Variants in TRIM66 observed in about 807,000 individuals in gnomAD.
TRIM66 encodes tripartite motif-containing protein 66.
Under a neutral mutation model 148.2 loss-of-function variants are expected in TRIM66, and 99 were observed. The observed-to-expected ratio is 0.67, with a 90% confidence interval of 0.57 to 0.79. The LOEUF (loss-of-function observed/expected upper bound fraction) is 0.79, where lower values mean the gene tolerates loss of function less well. TRIM66 is among the 30% of genes least tolerant of loss of function. The pLI, the probability that TRIM66 is intolerant of heterozygous loss-of-function variation, is 0.00. For missense variants in TRIM66, 1,666 were observed against 1,697.9 expected (o/e 0.98, Z 0.33); for synonymous variants, 616 against 635.9 (o/e 0.97, Z 0.47).
intron 6 of TRIM66, among the ~76,000 whole-genome samples, chr11:8,661,806 A>T (rs2038276625): frequency 6.6e-6 from 1 of 152,094 alleles, no homozygotes; most frequent in Non-Finnish European, 1.5e-5. Context: ...ACTCCCCCTT[A>T]AATCAGAAAG....
Position 8,651,832 on chromosome 11 carries a change from A to G in TRIM66, c.412T>C (p.Cys138Arg). 1.9e-6 allele frequency: 3 copies of G among 1,551,782 alleles called. No individual in the cohort carries two copies. Among genetic ancestry groups the G allele is most frequent in the Non-Finnish European group, 2.6e-6 (3 of 1,146,990 alleles). The change falls in exon 7 of 25, where the codon TGT (cysteine) becomes CGT (arginine). Residue 138 changes from cysteine to arginine, a missense_variant. By Grantham distance (180) the Cys-to-Arg change is radical. Around this residue, in one of 3 missense-constraint regions of TRIM66, gnomAD observed 1,431 missense variants for 1,412.4 expected, o/e 1.01. Coordinates refer to ENST00000646038, the MANE Select transcript of TRIM66 (RefSeq NM_001388022.1). The part of the protein sequence containing the change: ...RDVTEHFFLH[C>R]VPTEQPKMAR... ...ATCTTGGGTTGCTCAGTAGGAACAC[A>G]ATGCAGAAAAAAATGTTCAGTTACA...
intron 6 of TRIM66, among the ~76,000 whole-genome samples, chr11:8,657,259 G>T (rs1056159606): frequency 3.3e-5 from 5 of 152,216 alleles, no homozygotes; most frequent in Admixed American, 1.3e-4. Context: ...ATCCTCTGAG[G>T]GTTAGGAAGA....
Position 8,612,971 on chromosome 11 carries a change from C to G in TRIM66, c.*4973G>C, listed in dbSNP as rs116326083. The G allele has an allele frequency of 6.6e-6, 1 of 152,188 alleles. No individual in the cohort carries two copies. The highest frequency in any genetic ancestry group is 1.5e-5 in the Non-Finnish European group (1 of 68,054). 9.4% of individuals were successfully genotyped at this position (152,188 alleles called of 1,614,324 possible). On this transcript the variant is annotated 3_prime_UTR_variant, in exon 25 of 25. Transcript: ENST00000646038. The stretch of plus-strand genomic sequence containing the variant: ...ACCCTTGGGCTGACTTAGATGGGGT[C>G]TCTTAGCAAACAGGCTAAAACCTCT...
chr11:8,630,075 A>T (rs954224048), intron 15 of TRIM66, among the ~76,000 whole-genome samples: 4 of 152,242 alleles, frequency 2.6e-5, no homozygotes, highest in Admixed American at 6.5e-5. Context: ...AAGAAAAAGA[A>T]GATTTGAGAA....
intron 12 of TRIM66, chr11:8,644,475 C>A (rs2036675402): frequency 2.2e-6 from 1 of 451,044 alleles, no homozygotes; most frequent in African/African-American, 2.0e-5. Flanking sequence ...TAAATTACCC[C>A]AACTTGTATC....
At chr11:8,619,625 A>C (rs1476428920) in intron 22 of TRIM66, 90 bp from the exon 23 acceptor site, 4 of 1,252,986 alleles carry the variant, frequency 3.2e-6, no homozygotes, top group Non-Finnish European at 4.3e-6. Context: ...ATGGAAAATG[A>C]GGTGAAATAT....
At chr11:8,650,532 C>T (rs2037270209) in intron 7 of TRIM66, among the ~76,000 whole-genome samples, 1 of 152,058 alleles carries the variant, frequency 6.6e-6, no homozygotes, top group South Asian at 2.1e-4. Flanking sequence ...GCAGCAGCAG[C>T]TGTCTCAGGG....
chr11:8,681,637 G>A (rs1211331116), intron 1 of TRIM66, among the ~76,000 whole-genome samples: 1 of 139,012 alleles, frequency 7.2e-6, no homozygotes, highest in Non-Finnish European at 1.7e-5. Context: ...ACCGACTTAA[G>A]AGCGAAGACA....
chr11:8,678,015 C>T (rs977965031), intron 3 of TRIM66: 1 of 152,164 alleles, frequency 6.6e-6, no homozygotes, highest in Non-Finnish European at 1.5e-5. Flanking sequence ...CAAAAACCCC[C>T]AAGGCTAGGG....
In TRIM66 at chr11:8,612,159, ACTC is replaced by A. The variant is rs2033435417; in HGVS notation, c.*5782_*5784del. ...CCCAACCGCTTAGAATCCAATAGCCACTCCTAACAAGGGCCTAGGAGGAACTCA... is the reference window on the plus strand; with the variant it reads ...CCCAACCGCTTAGAATCCAATAGCCACTAACAAGGGCCTAGGAGGAACTCA... On this transcript the variant is annotated 3_prime_UTR_variant, in exon 25 of 25. Coordinates refer to ENST00000646038, the MANE Select transcript of TRIM66 (RefSeq NM_001388022.1). 1 of 152,080 alleles carries A rather than the reference ACTC, an allele frequency of 6.6e-6. No individual in the cohort carries two copies. Among genetic ancestry groups the A allele is most frequent in the African/African-American group, 2.4e-5 (1 of 41,410 alleles). 9.4% of individuals were successfully genotyped at this position (152,080 alleles called of 1,614,324 possible). A position where few individuals can be genotyped will look rare whatever the true frequency, so the allele number is the denominator to read the frequency against.
chr11:8,658,494 G>A (rs1265542615), intron 6 of TRIM66, among the ~76,000 whole-genome samples: 1 of 152,146 alleles, frequency 6.6e-6, no homozygotes, highest in Non-Finnish European at 1.5e-5. Context: ...CCCCGATCCG[G>A]CAGCTCATTT....
rs959647216 is a variant in TRIM66, at chr11:8,620,127, G to A, written c.3673-3C>T. 10 of 1,551,512 alleles carry A rather than the reference G, an allele frequency of 6.4e-6. No homozygotes were observed. In the Admixed American group the frequency reaches 1.6e-4, roughly 24 times the overall value. ...GACAATACCAGCTTCTCACACTTCT[G>A]CAAAATCAGAATTGGCAACAGAGTC... On this transcript the variant is annotated splice_region_variant and splice_polypyrimidine_tract_variant and intron_variant, in intron 21 of 24. Coordinates refer to ENST00000646038, the MANE Select transcript of TRIM66 (RefSeq NM_001388022.1).
intron 1 of TRIM66, among the ~76,000 whole-genome samples, chr11:8,680,439 G>A (rs745649320): frequency 8.4e-6 from 1 of 119,712 alleles, no homozygotes; most frequent in Non-Finnish European, 1.8e-5. Flanking sequence ...GAGATATGAT[G>A]GGGGCCTGAA....
intron 16 of TRIM66, 36 bp from the exon 17 acceptor site, chr11:8,624,587 C>T: frequency 1.3e-6 from 2 of 1,508,604 alleles, no homozygotes; most frequent in South Asian, 1.3e-5. Flanking sequence ...AATCAAAGAA[C>T]TCAGACATGG....
At position 8,640,133 on chromosome 11, in the gene TRIM66, G is replaced by T; in HGVS notation, c.2148+94C>A. Reference sequence around the variant, plus strand: ...AAGGCAGCCCTAAGGTGCAGAAACTGTATTCCTGTGCTGCCTTGTTTTTGG... The same window carrying T: ...AAGGCAGCCCTAAGGTGCAGAAACTTTATTCCTGTGCTGCCTTGTTTTTGG... On this transcript the variant is annotated intron_variant, in intron 14 of 24. Coordinates refer to ENST00000646038, the MANE Select transcript of TRIM66 (RefSeq NM_001388022.1). The T allele has an allele frequency of 2.4e-6, 3 of 1,273,304 alleles. No homozygotes were observed. The South Asian group carries it at 4.4e-5, about 18-fold the overall frequency. The allele number at this position is 1,273,304 out of a possible 1,614,324, so 78.9% of individuals were successfully genotyped here.
In TRIM66 at chr11:8,674,794, G is replaced by A. The variant is rs2039102746; in HGVS notation, c.-112+12C>T. ...ACATCTGGCTTAATAAAAGACGGCTGGACTCCCATACCTGTTTCTGCAGTC... is the reference window on the plus strand; with the variant it reads ...ACATCTGGCTTAATAAAAGACGGCTAGACTCCCATACCTGTTTCTGCAGTC... On this transcript the variant is annotated intron_variant, in intron 4 of 24. Coordinates refer to ENST00000646038, the MANE Select transcript of TRIM66 (RefSeq NM_001388022.1). The A allele has an allele frequency of 1.3e-5, 2 of 152,158 alleles. No individual in the cohort carries two copies. The highest frequency in any genetic ancestry group is 1.3e-4 in the Admixed American group (2 of 15,284). 9.4% of individuals were successfully genotyped at this position (152,158 alleles called of 1,614,324 possible). A position where few individuals can be genotyped will look rare whatever the true frequency, so the allele number is the denominator to read the frequency against.
At chr11:8,653,968 T>A (rs1469552505) in intron 6 of TRIM66, among the ~76,000 whole-genome samples, 1 of 150,690 alleles carries the variant, frequency 6.6e-6, no homozygotes, top group African/African-American at 2.5e-5. Context: ...AAGGCTACTG[T>A]CCCTCTCTTC....
rs1158524594 is a variant in TRIM66 at position 8,671,834 on chromosome 11, T to C, written c.292A>G (p.Ile98Val). The C allele has an allele frequency of 3.3e-6, 5 of 1,529,652 alleles. No individual in the cohort carries two copies. Among genetic ancestry groups the C allele is most frequent in the Admixed American group, 2.0e-5 (1 of 50,972 alleles). 94.8% of individuals were successfully genotyped at this position (1,529,652 alleles called of 1,614,324 possible). ...LLRKDCFQGL[I>V]QELGQIAKAH... ...TTGGCAATCTGCCCTAGCTCCTGTA[T>C]CAAGCCCTGGAAGCAGTCCTTACGG... The change falls in exon 6 of 25, where the codon ATA (isoleucine) becomes GTA (valine). Residue 98 changes from isoleucine to valine, a missense_variant. Physicochemically the swap from Ile to Val is conservative, Grantham distance 29 (BLOSUM62 3). Around this residue, in one of 3 missense-constraint regions of TRIM66, gnomAD observed 1,431 missense variants for 1,412.4 expected, o/e 1.01. Coordinates refer to ENST00000646038, the MANE Select transcript of TRIM66 (RefSeq NM_001388022.1).
Position 8,643,142 on chromosome 11 carries a change from A to G in TRIM66, c.1105-16T>C. The G allele has an allele frequency of 3.9e-6, 6 of 1,547,024 alleles. No individual in the cohort carries two copies. The highest frequency in any genetic ancestry group is 5.2e-6 in the Non-Finnish European group (6 of 1,144,174). On this transcript the variant is annotated splice_polypyrimidine_tract_variant and intron_variant, in intron 12 of 24. Coordinates refer to ENST00000646038, the MANE Select transcript of TRIM66 (RefSeq NM_001388022.1). ...GAAACACAATCTGACAACAGCACCA[A>G]AGGTCATTTATTTGGGCATCTTGCA... is the stretch of plus-strand genomic sequence containing the variant.
Sources: gnomAD v4.1 joint callset for allele counts (sites outside exome capture counted in the v4.1 genomes callset) on GRCh38, gnomAD v4.1.1 for gene constraint, gnomAD v4.1.1 regional missense constraint, MANE v1.5 for transcripts, NCBI Gene and HGNC (gene_info 2026-07-23, HGNC 2026-07-21) for gene names.